ATP8A2: variants seen among roughly 807,000 people sequenced by gnomAD.
ATP8A2 encodes the protein ATPase phospholipid transporting 8A2.
A neutral mutation model predicts 165.6 loss-of-function variants in ATP8A2; 100 were observed. The ratio of observed to expected loss-of-function variants is 0.60; its 90% CI spans 0.51 to 0.71. The LOEUF (loss-of-function observed/expected upper bound fraction) is 0.71. Ranked by LOEUF, ATP8A2 falls within the 30% of genes least tolerant of loss-of-function variation. ATP8A2 has a pLI of 0.00. For missense variants in ATP8A2, 1,227 were observed against 1,479.5 expected (o/e 0.83, Z 2.80); for synonymous variants, 543 against 548.8 (o/e 0.99, Z 0.15).
intron 25 of ATP8A2, among the ~76,000 whole-genome samples, chr13:25,721,702 T>C (rs937486043): frequency 1.3e-5 from 2 of 152,220 alleles, no homozygotes; most frequent in African/African-American, 4.8e-5. Context: ...CATCATGCAG[T>C]CTTGCATGTG....
At chr13:25,915,377 C>T (rs1046066386) in intron 33 of ATP8A2, among the ~76,000 whole-genome samples, 4 of 152,104 alleles carry the variant, frequency 2.6e-5, no homozygotes, top group African/African-American at 7.2e-5. Context: ...TGAGAGAGAA[C>T]CTGGGGGTGA....
chr13:25,661,826 G>T (rs969358625), intron 24 of ATP8A2, among the ~76,000 whole-genome samples: 3 of 152,110 alleles, frequency 2.0e-5, no homozygotes, highest in Non-Finnish European at 4.4e-5. Context: ...AATAAGCATC[G>T]GATTCAAACA....
At position 25,856,730 on chromosome 13, in the gene ATP8A2, A is replaced by T. The variant is rs535721031; in HGVS notation, c.2957-3465A>T. On this transcript the variant is annotated intron_variant, in intron 30 of 36. Transcript: ENST00000381655. Reference sequence around the variant, plus strand: ...CACCCCAAACTGAAACTCTGTGCTCATTAAGCAATAACTCCTCCTTCTCCC... The same window carrying T: ...CACCCCAAACTGAAACTCTGTGCTCTTTAAGCAATAACTCCTCCTTCTCCC... Among the ~76,000 whole-genome samples the T allele has an allele frequency of 1.6e-3, 251 of 152,344 alleles. 1 individual carries two copies. The highest frequency in any genetic ancestry group is 2.4e-3 in the Non-Finnish European group (161 of 68,038).
rs569641958 is a variant in ATP8A2 at position 25,750,562 on chromosome 13, G to A, written c.2385-18484G>A. 2.2e-3 allele frequency among the ~76,000 whole-genome samples: 333 copies of A among 152,260 alleles called. No homozygotes were observed. The highest frequency in any genetic ancestry group is 3.4e-3 in the Non-Finnish European group (234 of 68,038). Reference sequence around the variant, plus strand: ...GTTTCAGCCCAGCTTTGGGAGCACCGTAGATACTTTCAGTTCAGCAGGGCC... The same window carrying A: ...GTTTCAGCCCAGCTTTGGGAGCACCATAGATACTTTCAGTTCAGCAGGGCC... On this transcript the variant is annotated intron_variant, in intron 25 of 36. Transcript: ENST00000381655. This position sits in a 1 kb window ranked among gnomAD's most constrained non-coding sequence, Gnocchi z 4.3.
chr13:25,754,706 ATAT>A (rs1424137588), intron 25 of ATP8A2, among the ~76,000 whole-genome samples: 1 of 152,150 alleles, frequency 6.6e-6, no homozygotes, highest in Non-Finnish European at 1.5e-5. Flanking sequence ...AATTTTTATA[ATAT>A]TTAAGAATCA....
At chr13:25,937,210 T>C (rs1197294204) in intron 33 of ATP8A2, among the ~76,000 whole-genome samples, 1 of 151,962 alleles carries the variant, frequency 6.6e-6, no homozygotes, top group Non-Finnish European at 1.5e-5. Flanking sequence ...TTAAATGCCA[T>C]ACAAAAACGC....
intron 24 of ATP8A2, among the ~76,000 whole-genome samples, chr13:25,642,030 G>A (rs1198016756): frequency 6.6e-6 from 1 of 152,108 alleles, no homozygotes; most frequent in Non-Finnish European, 1.5e-5. Flanking sequence ...AATGGCGCTG[G>A]GAAAACTGGG....
At chr13:25,960,225 C>T (rs974160648) in intron 33 of ATP8A2, among the ~76,000 whole-genome samples, 4 of 152,246 alleles carry the variant, frequency 2.6e-5, no homozygotes, top group South Asian at 2.1e-4. Flanking sequence ...GCAGAGGGAG[C>T]GGCAGGGCTG....
intron 27 of ATP8A2, among the ~76,000 whole-genome samples, chr13:25,785,393 G>T (rs538541229): frequency 6.6e-6 from 1 of 152,132 alleles, no homozygotes; most frequent in South Asian, 2.1e-4. Flanking sequence ...TAATAATTTT[G>T]ATTGAATTCT....
intron 34 of ATP8A2, among the ~76,000 whole-genome samples, chr13:25,964,089 A>G (rs1269364340): frequency 6.6e-6 from 1 of 152,218 alleles, no homozygotes; most frequent in Non-Finnish European, 1.5e-5. Flanking sequence ...GCCACCCAGC[A>G]CCTGGCACCA....
chr13:25,387,012 A>G (rs893577938), intron 1 of ATP8A2, among the ~76,000 whole-genome samples: 9 of 151,792 alleles, frequency 5.9e-5, no homozygotes, highest in Non-Finnish European at 1.0e-4. Flanking sequence ...AAACAGAACA[A>G]AACAAAACAA....
intron 24 of ATP8A2, among the ~76,000 whole-genome samples, chr13:25,599,468 T>C (rs1333709699): frequency 3.3e-5 from 5 of 152,270 alleles, no homozygotes; most frequent in African/African-American, 1.2e-4. Flanking sequence ...TTTCATACAC[T>C]TTCCCAGTTT....
intron 24 of ATP8A2, among the ~76,000 whole-genome samples, chr13:25,686,812 C>G (rs1566047022): frequency 6.6e-6 from 1 of 152,114 alleles, no homozygotes; most frequent in African/African-American, 2.4e-5. Flanking sequence ...GCCCAGGATT[C>G]TGATGGAATC....
chr13:25,987,460 A>G (rs1313656336), intron 35 of ATP8A2, among the ~76,000 whole-genome samples: 1 of 152,190 alleles, frequency 6.6e-6, no homozygotes, highest in Non-Finnish European at 1.5e-5. Flanking sequence ...AAGGTTCTTG[A>G]CCTGTGAAGG....
intron 24 of ATP8A2, among the ~76,000 whole-genome samples, chr13:25,673,249 CACTATA>C (rs1469224277): frequency 1.3e-5 from 2 of 152,152 alleles, no homozygotes; most frequent in Non-Finnish European, 1.5e-5. Context: ...GTTCTGCAGA[CACTATA>C]ACAGCGAATA....
At chr13:25,626,704 T>C (rs1481285171) in intron 24 of ATP8A2, among the ~76,000 whole-genome samples, 1 of 152,108 alleles carries the variant, frequency 6.6e-6, no homozygotes, top group Non-Finnish European at 1.5e-5. Context: ...AGTGTATTAG[T>C]CTGTTTTCAC....
At chr13:25,955,121 G>A (rs763243255) in intron 33 of ATP8A2, among the ~76,000 whole-genome samples, 2 of 152,078 alleles carry the variant, frequency 1.3e-5, no homozygotes, top group African/African-American at 2.4e-5. Context: ...TATAGGAATT[G>A]GTAACTGGAA....
chr13:25,464,929 C>A (rs899850091), intron 1 of ATP8A2, among the ~76,000 whole-genome samples: 4 of 152,226 alleles, frequency 2.6e-5, no homozygotes, highest in African/African-American at 9.6e-5. Flanking sequence ...CTTGACCTTC[C>A]ACTCTCTTGT....
intron 24 of ATP8A2, among the ~76,000 whole-genome samples, chr13:25,653,661 C>T (rs868693646): frequency 6.6e-5 from 10 of 152,188 alleles, no homozygotes; most frequent in Admixed American, 3.3e-4. Context: ...TCTCCTTAAT[C>T]AGGAGAGCAG....
Sources: gnomAD v4.1 joint callset for allele counts (sites outside exome capture counted in the v4.1 genomes callset) on GRCh38, gnomAD v4.1.1 for gene constraint, Gnocchi (gnomAD v3.1) non-coding constraint, MANE v1.5 for transcripts, NCBI Gene and HGNC (gene_info 2026-07-23, HGNC 2026-07-21) for gene names.